Variants in GIGYF2 observed in about 807,000 individuals in gnomAD.
The protein encoded by GIGYF2 is GRB10-interacting GYF protein 2.
In GIGYF2, 25 loss-of-function variants were observed where a neutral mutation model predicts 208.1. The ratio of observed to expected loss-of-function variants is 0.12; its 90% confidence interval spans 0.09 to 0.17. GIGYF2 has a LOEUF of 0.17. Among genes scored for constraint, GIGYF2 ranks in the 10% least tolerant of loss-of-function variants. The pLI, the probability that GIGYF2 is intolerant of heterozygous loss-of-function variation, is 1.00. For synonymous variants in GIGYF2, 534 were observed against 543.8 expected (o/e 0.98, Z 0.25); for missense variants, 1,302 against 1,579.4 (o/e 0.82, Z 2.98).
intron 3 of GIGYF2, among the ~76,000 whole-genome samples, chr2:232,739,050 A>G (rs574746386): frequency 5.4e-4 from 82 of 152,236 alleles, no homozygotes; most frequent in Non-Finnish European, 9.6e-4. Flanking sequence ...AAACAGTACA[A>G]GAGGAAAAAG....
chr2:232,714,772 C>A (rs911871696), intron 2 of GIGYF2, among the ~76,000 whole-genome samples: 2 of 151,852 alleles, frequency 1.3e-5, no homozygotes, highest in Admixed American at 1.3e-4. Flanking sequence ...AAATGGAAAT[C>A]ATATTTAGGT....
intron 2 of GIGYF2, among the ~76,000 whole-genome samples, chr2:232,730,937 A>G (rs998326905): frequency 2.0e-5 from 3 of 149,904 alleles, no homozygotes; most frequent in African/African-American, 7.3e-5. Flanking sequence ...TCTTTACATT[A>G]GGAAATAATT....
At chr2:232,796,344 A>G (rs1315169271) in intron 14 of GIGYF2, 123 bp downstream of exon 14, 5 of 723,230 alleles carry the variant, frequency 6.9e-6, no homozygotes, top group South Asian at 4.5e-5. Context: ...ACACGCGCGC[A>G]CACACGCAGA....
At chr2:232,796,285 A>C (rs1412023756) in intron 14 of GIGYF2, 64 bp downstream of exon 14, 11 of 1,052,532 alleles carry the variant, frequency 1.0e-5, no homozygotes, top group Non-Finnish European at 1.6e-5. Flanking sequence ...ATCTCTAAGA[A>C]GGGATTTGTT....
At chr2:232,705,154 C>A (rs531442968) in intron 2 of GIGYF2, among the ~76,000 whole-genome samples, 4 of 151,766 alleles carry the variant, frequency 2.6e-5, no homozygotes, top group East Asian at 2.0e-4. Flanking sequence ...CCACCGCGCC[C>A]GGCCAACTTC....
chr2:232,819,837 T>C lies in GIGYF2; in HGVS notation c.2381T>C (p.Leu794Pro). ...ATCTTTTTTCCTTAGGAAGAGGCTCTGCGTCGCCAGCGGGAGCAAGAAATT... is the reference window on the plus strand; with the variant it reads ...ATCTTTTTTCCTTAGGAAGAGGCTCCGCGTCGCCAGCGGGAGCAAGAAATT... The part of the protein sequence containing the change: ...ELARRKQEEA[L>P]RRQREQEIAL... Residue 794 changes from leucine (L) to proline (P), a missense_variant, in exon 21 of 29, where the codon CTG (leucine) becomes CCG (proline). Physicochemically the swap from Leu to Pro is moderately conservative, Grantham distance 98. Around this residue, in one of 8 missense-constraint regions of GIGYF2, gnomAD observed 701 missense variants for 793.0 expected, o/e 0.88. Coordinates refer to ENST00000373563, the MANE Select transcript of GIGYF2 (RefSeq NM_001103146.3). 2.3e-6 allele frequency: 3 copies of C among 1,301,190 alleles called. No individual in the cohort carries two copies. Among genetic ancestry groups the C allele is most frequent in the Non-Finnish European group, 3.1e-6 (3 of 977,082 alleles). 80.6% of individuals were successfully genotyped at this position (1,301,190 alleles called of 1,614,324 possible).
intron 6 of GIGYF2, among the ~76,000 whole-genome samples, chr2:232,758,554 TA>T (rs930563869): frequency 6.6e-6 from 1 of 152,176 alleles, no homozygotes; most frequent in Non-Finnish European, 1.5e-5. Context: ...GGAACCACTT[TA>T]TAGAAGATTA....
intron 2 of GIGYF2, among the ~76,000 whole-genome samples, chr2:232,708,696 G>A (rs774834711): frequency 1.9e-3 from 282 of 145,634 alleles, no homozygotes; most frequent in Middle Eastern, 3.6e-3. Flanking sequence ...AAAAAAAGTA[G>A]CTGGGCATGG....
chr2:232,796,310 G>A, intron 14 of GIGYF2, 89 bp downstream of exon 14: 2 of 908,310 alleles, frequency 2.2e-6, no homozygotes, highest in South Asian at 1.3e-5. Flanking sequence ...TTAAATTATA[G>A]TAGAAAAAGA....
chr2:232,702,987 A>G (rs927134545), intron 1 of GIGYF2, among the ~76,000 whole-genome samples: 21 of 152,104 alleles, frequency 1.4e-4, no homozygotes, highest in African/African-American at 5.1e-4. Context: ...GGGTTTTGCC[A>G]TGTTGCCCAG....
At chr2:232,814,619 G>GT (rs1223144164) in intron 18 of GIGYF2, among the ~76,000 whole-genome samples, 5 of 139,300 alleles carry the variant, frequency 3.6e-5, no homozygotes, top group African/African-American at 1.4e-4. Context: ...AAGTGTATAT[G>GT]AAAGATTAAT....
At chr2:232,754,171 A>G (rs997077898) in intron 5 of GIGYF2, among the ~76,000 whole-genome samples, 1 of 149,310 alleles carries the variant, frequency 6.7e-6, no homozygotes, top group Non-Finnish European at 1.5e-5. Context: ...TCTCAAAAAA[A>G]AGAAAAAAAA....
intron 8 of GIGYF2, among the ~76,000 whole-genome samples, chr2:232,780,812 T>G (rs1699687465): frequency 6.6e-6 from 1 of 152,246 alleles, no homozygotes; most frequent in African/African-American, 2.4e-5. Flanking sequence ...TTTTGAATGC[T>G]GAGAAGGGCC....
intron 7 of GIGYF2, among the ~76,000 whole-genome samples, chr2:232,761,103 G>C (rs1380946688): frequency 6.6e-6 from 1 of 152,094 alleles, no homozygotes; most frequent in East Asian, 1.9e-4. Flanking sequence ...AATATTTAAT[G>C]ATGTGGGAAA....
chr2:232,698,628 G>C (rs1307706146), intron 1 of GIGYF2, among the ~76,000 whole-genome samples: 1 of 152,150 alleles, frequency 6.6e-6, no homozygotes, highest in Admixed American at 6.5e-5. Flanking sequence ...TTTACTAGTT[G>C]GTGTAGCAGT....
chr2:232,818,645 T>G (rs1211056166), intron 20 of GIGYF2, among the ~76,000 whole-genome samples: 2 of 152,170 alleles, frequency 1.3e-5, no homozygotes, highest in Non-Finnish European at 2.9e-5. Flanking sequence ...TTTTTTATTT[T>G]TTTGGAGACA....
At chr2:232,716,984 T>G (rs999517727) in intron 2 of GIGYF2, among the ~76,000 whole-genome samples, 19 of 151,694 alleles carry the variant, frequency 1.3e-4, no homozygotes, top group East Asian at 3.9e-4. Flanking sequence ...TTTTGTTGTT[T>G]TTTTTTTTTT....
chr2:232,701,409 C>T (rs551393477), intron 1 of GIGYF2, among the ~76,000 whole-genome samples: 7 of 150,370 alleles, frequency 4.7e-5, no homozygotes, highest in South Asian at 4.2e-4. Flanking sequence ...TGCACCGCTG[C>T]GCTCCAGCCT....
intron 3 of GIGYF2, among the ~76,000 whole-genome samples, chr2:232,746,015 C>T (rs1377596837): frequency 2.0e-5 from 3 of 152,030 alleles, no homozygotes; most frequent in African/African-American, 4.8e-5. Flanking sequence ...CTCAGCACTT[C>T]GAGAGGCCAA....
Sources: gnomAD v4.1 joint callset for allele counts (sites outside exome capture counted in the v4.1 genomes callset) on GRCh38, gnomAD v4.1.1 for gene constraint, gnomAD v4.1.1 regional missense constraint, MANE v1.5 for transcripts, NCBI Gene and HGNC (gene_info 2026-07-23, HGNC 2026-07-21) for gene names.